The following RTL4 variants were observed in gnomAD, a reference collection of about 807,000 sequenced individuals.
RTL4 encodes retrotransposon Gag-like protein 4.
RTL4 carries 4 observed loss-of-function variants against 5.3 expected under a neutral mutation model. That is an observed-to-expected ratio of 0.75 (90% CI 0.37 to 1.72). RTL4 has a LOEUF of 1.72. Among genes scored for constraint, RTL4 ranks in the 40% most tolerant of loss-of-function variants. The pLI is 0.04. For missense variants in RTL4, 260 were observed against 227.1 expected, an observed-to-expected ratio of 1.14 and a Z score of -0.93; for synonymous variants, 98 against 87.3, an observed-to-expected ratio of 1.12 and a Z score of -0.68.
At chrX:112,180,132 A>T in the RTL4 span, among the ~76,000 whole-genome samples, 2 of 111,303 alleles carry the variant, frequency 1.8e-5, no homozygotes, top group Non-Finnish European at 3.8e-5. Flanking sequence ...TGTATGACAC[A>T]GCCCCTCTTC....
the RTL4 span, among the ~76,000 whole-genome samples, chrX:112,242,021 T>A: frequency 8.9e-6 from 1 of 111,824 alleles, no homozygotes; most frequent in Non-Finnish European, 1.9e-5. Context: ...TGTGGTGTTA[T>A]TTCTGAGGCC....
the RTL4 span, chrX:112,382,350 T>TGAAG: frequency 4.4e-6 from 2 of 458,248 alleles, no homozygotes; most frequent in Non-Finnish European, 7.4e-6. Context: ...TGTGTTGGAG[T>TGAAG]GAAGGATTAG....
chrX:112,168,391 G>A, the RTL4 span, among the ~76,000 whole-genome samples: 2 of 111,846 alleles, frequency 1.8e-5, 1 homozygote, highest in Non-Finnish European at 3.8e-5. Context: ...TGCTTTCACA[G>A]GCATTTGAAC....
chrX:112,328,069 C>T, the RTL4 span, among the ~76,000 whole-genome samples: 1 of 108,540 alleles, frequency 9.2e-6, no homozygotes, highest in Admixed American at 1.0e-4. Context: ...AATGTAAAGA[C>T]CATCGAGACT....
At chrX:112,416,020 A>G in the RTL4 span, among the ~76,000 whole-genome samples, 2 of 112,146 alleles carry the variant, frequency 1.8e-5, no homozygotes, top group Non-Finnish European at 3.8e-5. Flanking sequence ...TGACAGAGTC[A>G]GGCTCACTTT....
At chrX:112,111,628 C>T in the RTL4 span, among the ~76,000 whole-genome samples, 7 of 112,542 alleles carry the variant, frequency 6.2e-5, no homozygotes, top group Non-Finnish European at 1.3e-4. Flanking sequence ...TTTTCCCTTT[C>T]CCAGTTCTAA....
the RTL4 span, among the ~76,000 whole-genome samples, chrX:112,442,973 C>T: frequency 9.0e-6 from 1 of 111,076 alleles, no homozygotes; most frequent in African/African-American, 3.3e-5. Context: ...GACTTACAGT[C>T]ACACCGTGTG....
the RTL4 span, among the ~76,000 whole-genome samples, chrX:112,095,558 T>C: frequency 2.7e-5 from 3 of 111,084 alleles, no homozygotes; most frequent in East Asian, 5.7e-4. Context: ...TATAGAGAAA[T>C]GATGGCAGGG....
At chrX:112,409,160 A>G in the RTL4 span, among the ~76,000 whole-genome samples, 18 of 112,409 alleles carry the variant, frequency 1.6e-4, no homozygotes, top group Admixed American at 1.7e-3. Flanking sequence ...TGTGTAAACT[A>G]CTATTAAGTA....
At chrX:112,422,778 A>G in the RTL4 span, among the ~76,000 whole-genome samples, 1 of 109,980 alleles carries the variant, frequency 9.1e-6, no homozygotes, top group African/African-American at 3.3e-5. Context: ...CCTGCAAGCT[A>G]AGATGTAGCT....
chrX:112,334,812 G>C, the RTL4 span, among the ~76,000 whole-genome samples: 1 of 111,365 alleles, frequency 9.0e-6, no homozygotes, highest in Admixed American at 9.6e-5. Flanking sequence ...AGTTTCTAAT[G>C]TATCATTTAA....
the RTL4 span, among the ~76,000 whole-genome samples, chrX:112,360,875 C>T: frequency 1.8e-5 from 2 of 110,671 alleles, no homozygotes; most frequent in African/African-American, 3.3e-5. Flanking sequence ...AATTCATAAT[C>T]GTATGTCATA....
chrX:112,356,714 T>C, the RTL4 span, among the ~76,000 whole-genome samples: 247 of 111,213 alleles, frequency 2.2e-3, 1 homozygote, highest in African/African-American at 7.4e-3. Context: ...TAACTTTATC[T>C]TGTAAGTAAC....
the RTL4 span, among the ~76,000 whole-genome samples, chrX:112,343,530 G>A: frequency 7.3e-3 from 822 of 112,206 alleles, 11 homozygotes; most frequent in African/African-American, 0.026. Flanking sequence ...AAGTTGTTTG[G>A]AGAAATGCTG....
the RTL4 span, among the ~76,000 whole-genome samples, chrX:112,122,164 A>C: frequency 8.9e-6 from 1 of 111,741 alleles, no homozygotes; most frequent in Non-Finnish European, 1.9e-5. Flanking sequence ...ATAATAGCCA[A>C]AGTATGGAAT....
At chrX:112,388,374 A>T in the RTL4 span, among the ~76,000 whole-genome samples, 1 of 111,966 alleles carries the variant, frequency 8.9e-6, no homozygotes, top group Non-Finnish European at 1.9e-5. Flanking sequence ...GGATAGTTTG[A>T]CTTCTCTTTG....
chrX:112,407,364 A>G, the RTL4 span, among the ~76,000 whole-genome samples: 1 of 111,491 alleles, frequency 9.0e-6, no homozygotes, highest in Middle Eastern at 4.3e-3. Flanking sequence ...GTAGTCTGGT[A>G]GTACTCCCTG....
Position 112,456,201 on chromosome X carries a change from C to T in RTL4, c.*540C>T, listed in dbSNP as rs151241112. Reference sequence around the variant, plus strand: ...TGGACCATGCTTCACCTATTGACTACGATCTACCTTCAGCATAAATCAACC... The same window carrying T: ...TGGACCATGCTTCACCTATTGACTATGATCTACCTTCAGCATAAATCAACC... On this transcript the variant is annotated 3_prime_UTR_variant, in exon 1 of 1. Coordinates refer to ENST00000340433, the Ensembl canonical transcript of RTL4. 3.0e-3 allele frequency: 898 copies of T among 302,993 alleles called. 8 individuals are homozygous for T. The highest frequency in any genetic ancestry group is 0.02 in the South Asian group (87 of 4,363). The allele number at this position is 302,993 out of a possible 1,213,427, so 25.0% of individuals were successfully genotyped here.
At chrX:112,097,006 G>T in the RTL4 span, among the ~76,000 whole-genome samples, 4 of 112,140 alleles carry the variant, frequency 3.6e-5, no homozygotes, top group Non-Finnish European at 7.5e-5. Flanking sequence ...TGCCTTTATT[G>T]GGAAATTGGG....
Sources: gnomAD v4.1 joint callset for allele counts (sites outside exome capture counted in the v4.1 genomes callset) on GRCh38, gnomAD v4.1.1 for gene constraint, MANE v1.5 for transcripts, NCBI Gene and HGNC (gene_info 2026-07-23, HGNC 2026-07-21) for gene names.